Variants in RAB6A observed in about 807,000 individuals in gnomAD.
The protein encoded by RAB6A is ras-related protein Rab-6A.
A neutral mutation model predicts 32.3 loss-of-function variants in RAB6A; 8 were observed. That is an observed-to-expected ratio of 0.25 (90% confidence interval 0.15 to 0.45). RAB6A has a LOEUF of 0.45. Among genes scored for constraint, RAB6A ranks in the 20% least tolerant of loss-of-function variants. The probability of loss-of-function intolerance (pLI) is 1.00; values close to 1 mark genes in which losing one functional copy is unlikely to be tolerated. For synonymous variants in RAB6A, 73 were observed against 82.1 expected (o/e 0.89, Z 0.60); for missense variants, 104 against 249.4 (o/e 0.42, Z 3.93).
At chr11:73,682,815 T>C (rs532619544) in intron 6 of RAB6A, among the ~76,000 whole-genome samples, 1 of 152,270 alleles carries the variant, frequency 6.6e-6, no homozygotes, top group South Asian at 2.1e-4. Flanking sequence ...AGATATGAAC[T>C]ATTATACCCC....
Position 73,679,991 on chromosome 11 carries a change from G to C in RAB6A, c.496-271C>G, listed in dbSNP as rs115924685. The stretch of plus-strand genomic sequence containing the variant: ...CACACGCCTATAGTCCTAGGTACTG[G>C]AGAGGCTGAACCTGGAGGACTGCTT... On this transcript the variant is annotated intron_variant, in intron 6 of 7. Coordinates refer to ENST00000336083, the MANE Select transcript of RAB6A (RefSeq NM_198896.2). 5.3e-3 allele frequency among the ~76,000 whole-genome samples: 811 copies of C among 152,306 alleles called. 7 individuals are homozygous for C. Among genetic ancestry groups the C allele is most frequent in the African/African-American group, 0.018 (739 of 41,568 alleles).
At chr11:73,686,023 C>T (rs1251388099) in intron 6 of RAB6A, among the ~76,000 whole-genome samples, 4 of 151,404 alleles carry the variant, frequency 2.6e-5, no homozygotes, top group Non-Finnish European at 5.9e-5. Flanking sequence ...GCAGTGAATT[C>T]TAGGACTAGA....
intron 6 of RAB6A, among the ~76,000 whole-genome samples, chr11:73,686,651 T>C (rs940114890): frequency 2.6e-5 from 4 of 152,222 alleles, no homozygotes; most frequent in Admixed American, 2.6e-4. Flanking sequence ...GGCTACTTTC[T>C]AAGTAGAGCT....
At chr11:73,696,748 G>T (rs1315614205) in intron 6 of RAB6A, among the ~76,000 whole-genome samples, 1 of 151,268 alleles carries the variant, frequency 6.6e-6, no homozygotes, top group African/African-American at 2.4e-5. Flanking sequence ...TGGAACTACA[G>T]TCAACACACC....
chr11:73,739,250 T>C (rs1318978934), intron 1 of RAB6A, among the ~76,000 whole-genome samples: 60 of 34,490 alleles, frequency 1.7e-3, no homozygotes, highest in African/African-American at 7.5e-3. Flanking sequence ...AAAAAAAAAA[T>C]AGTAATAATA....
At chr11:73,717,448 T>C (rs903638939) in intron 4 of RAB6A, among the ~76,000 whole-genome samples, 2 of 152,130 alleles carry the variant, frequency 1.3e-5, no homozygotes, top group African/African-American at 4.8e-5. Context: ...GTTTTTGTTG[T>C]TGTTGTTGTA....
Position 73,676,945 on chromosome 11 carries a change from G to T in RAB6A, c.*953C>A, listed in dbSNP as rs1043697077. On this transcript the variant is annotated 3_prime_UTR_variant, in exon 8 of 8. Coordinates refer to ENST00000336083, the MANE Select transcript of RAB6A (RefSeq NM_198896.2). Reference sequence around the variant, plus strand: ...CAGTGCCTTGCCTGCACAGTATTATGTTTTTAAAAAAGAAAACCCAAGCAA... The same window carrying T: ...CAGTGCCTTGCCTGCACAGTATTATTTTTTTAAAAAAGAAAACCCAAGCAA... 17 of 166,670 alleles carry T rather than the reference G, an allele frequency of 1.0e-4. No homozygotes were observed. Among genetic ancestry groups the T allele is most frequent in the African/African-American group, 3.9e-4 (16 of 41,430 alleles). 10.3% of individuals were successfully genotyped at this position (166,670 alleles called of 1,614,324 possible).
chr11:73,722,156 C>G (rs1211208932), intron 2 of RAB6A, among the ~76,000 whole-genome samples: 1 of 149,634 alleles, frequency 6.7e-6, no homozygotes, highest in Non-Finnish European at 1.5e-5. Context: ...TCTTTATTAG[C>G]AGCATGAGAA....
chr11:73,684,168 GTT>G lies in RAB6A; in HGVS notation c.496-4450_496-4449del, dbSNP rs35035887. Among the ~76,000 whole-genome samples, 9 of 144,428 alleles carry G rather than the reference GTT, an allele frequency of 6.2e-5. No individual in the cohort carries two copies. The East Asian group carries it at 1.0e-3, about 16-fold the overall frequency. The allele number at this position is 144,428 out of a possible 152,430, so 94.8% of individuals were successfully genotyped here. On this transcript the variant is annotated intron_variant, in intron 6 of 7. Coordinates refer to ENST00000336083, the MANE Select transcript of RAB6A (RefSeq NM_198896.2). ...TTTTAATTAAGATACATACATTGTT[GTT>G]TTTTTTTTTTTTCTGAGACAGAGTT...
chr11:73,676,265 A>G lies in RAB6A; in HGVS notation c.*1633T>C, dbSNP rs1349038572. On this transcript the variant is annotated 3_prime_UTR_variant, in exon 8 of 8. Coordinates refer to ENST00000336083, the MANE Select transcript of RAB6A (RefSeq NM_198896.2). ...TAAGTAATGCTTACAACATAAATTC[A>G]GCAGGCTTTTCCTGAGCTGTAACTC... The G allele has an allele frequency of 6.0e-6, 1 of 167,144 alleles. No homozygotes were observed. Among genetic ancestry groups the G allele is most frequent in the Non-Finnish European group, 1.5e-5 (1 of 68,128 alleles). 10.4% of individuals were successfully genotyped at this position (167,144 alleles called of 1,614,324 possible).
chr11:73,730,895 A>G (rs1158067376), intron 1 of RAB6A, 72 bp from the exon 2 acceptor site: 1 of 1,116,622 alleles, frequency 9.0e-7, no homozygotes, highest in Admixed American at 2.4e-5. Flanking sequence ...TTTTCTACAG[A>G]GAACTGCAAT....
intron 7 of RAB6A, among the ~76,000 whole-genome samples, chr11:73,679,050 TA>T (rs1821511487): frequency 6.6e-6 from 1 of 152,104 alleles, no homozygotes; most frequent in Non-Finnish European, 1.5e-5. Context: ...TATGAAAACA[TA>T]TAACATTTAC....
intron 1 of RAB6A, among the ~76,000 whole-genome samples, chr11:73,758,384 T>C (rs1452552743): frequency 2.0e-5 from 3 of 152,194 alleles, no homozygotes; most frequent in Non-Finnish European, 4.4e-5. Context: ...AAATGTGCCA[T>C]ACTAATGCAA....
intron 1 of RAB6A, among the ~76,000 whole-genome samples, chr11:73,756,069 C>T (rs541844889): frequency 6.6e-6 from 1 of 152,062 alleles, no homozygotes; most frequent in African/African-American, 2.4e-5. Flanking sequence ...ATGTTCAGTA[C>T]TGGCCAGGCG....
At chr11:73,731,369 CGT>C in intron 1 of RAB6A, among the ~76,000 whole-genome samples, 1 of 151,806 alleles carries the variant, frequency 6.6e-6, no homozygotes, top group East Asian at 1.9e-4. Flanking sequence ...ATGGTGAAAT[CGT>C]GTCTCTACTA....
chr11:73,755,412 G>A (rs1320908770), intron 1 of RAB6A, among the ~76,000 whole-genome samples: 1 of 151,922 alleles, frequency 6.6e-6, no homozygotes, highest in Non-Finnish European at 1.5e-5. Flanking sequence ...TCCTGCCTCA[G>A]CCTCCCGAAG....
chr11:73,736,136 C>T (rs1037816971), intron 1 of RAB6A, among the ~76,000 whole-genome samples: 1 of 151,930 alleles, frequency 6.6e-6, no homozygotes, highest in Non-Finnish European at 1.5e-5. Flanking sequence ...ATGAGAAATT[C>T]ACCGTTTTAA....
At position 73,692,316 on chromosome 11, in the gene RAB6A, A is replaced by G. The variant is rs185025667; in HGVS notation, c.496-12596T>C. On this transcript the variant is annotated intron_variant, in intron 6 of 7. Coordinates refer to ENST00000336083, the MANE Select transcript of RAB6A (RefSeq NM_198896.2). ...TCAGGAGATCAAGACCATCCTGGCT[A>G]ACAGTGAAACCCCGTCTCTACTAAA... Among the ~76,000 whole-genome samples, 807 of 151,482 alleles carry G rather than the reference A, an allele frequency of 5.3e-3. 7 individuals are homozygous for G. Among genetic ancestry groups the G allele is most frequent in the African/African-American group, 0.018 (736 of 41,294 alleles).
At chr11:73,718,519 T>A (rs1946086099) in intron 4 of RAB6A, 94 bp downstream of exon 4, 2 of 1,051,788 alleles carry the variant, frequency 1.9e-6, no homozygotes, top group Non-Finnish European at 2.8e-6. Flanking sequence ...TATTTTTACA[T>A]GCCAGTAAGG....
Sources: gnomAD v4.1 joint callset for allele counts (sites outside exome capture counted in the v4.1 genomes callset) on GRCh38, gnomAD v4.1.1 for gene constraint, MANE v1.5 for transcripts, NCBI Gene and HGNC (gene_info 2026-07-23, HGNC 2026-07-21) for gene names.